Variants in ITPR2 observed in about 807,000 individuals in gnomAD.
The protein encoded by ITPR2 is inositol 1,4,5-trisphosphate receptor type 2.
In ITPR2, 207 loss-of-function variants were observed where a neutral mutation model predicts 317.1. That is an observed-to-expected ratio of 0.65 (90% confidence interval 0.58 to 0.73). ITPR2 has a LOEUF of 0.73. Among genes scored for constraint, ITPR2 ranks in the 30% least tolerant of loss-of-function variants. The probability of loss-of-function intolerance (pLI) is 0.00; values close to 1 mark genes in which losing one functional copy is unlikely to be tolerated. For missense variants in ITPR2, 2,613 were observed against 3,284.0 expected (o/e 0.80, Z 4.99); for synonymous variants, 1,156 against 1,149.1 (o/e 1.01, Z -0.12).
At chr12:26,557,503 G>A (rs913098708) in intron 35 of ITPR2, among the ~76,000 whole-genome samples, 4 of 152,180 alleles carry the variant, frequency 2.6e-5, no homozygotes, top group African/African-American at 9.7e-5. Flanking sequence ...GTGTGGGGAG[G>A]TTCTTTCAAA....
chr12:26,794,091 CTG>C (rs1043560495), intron 1 of ITPR2, among the ~76,000 whole-genome samples: 3 of 152,174 alleles, frequency 2.0e-5, no homozygotes, highest in African/African-American at 7.2e-5. Flanking sequence ...AAGGTCATAA[CTG>C]TAAATTATTT....
intron 2 of ITPR2, among the ~76,000 whole-genome samples, chr12:26,784,781 G>A (rs1950183387): frequency 6.9e-6 from 1 of 145,980 alleles, no homozygotes; most frequent in African/African-American, 2.5e-5. Flanking sequence ...GGGAAGTGGG[G>A]AGCGTCTCTG....
chr12:26,374,586 A>C (rs1188996681), intron 55 of ITPR2, among the ~76,000 whole-genome samples: 1 of 152,242 alleles, frequency 6.6e-6, no homozygotes, highest in Non-Finnish European at 1.5e-5. Context: ...AAATATTTTA[A>C]GTAGATGTGG....
chr12:26,443,657 T>C lies in ITPR2; in HGVS notation c.6343-7A>G. 6.2e-7 allele frequency: 1 copy of C among 1,610,482 alleles called. No individual in the cohort carries two copies. Among genetic ancestry groups the C allele is most frequent in the South Asian group, 1.1e-5 (1 of 90,912 alleles). On this transcript the variant is annotated splice_region_variant and splice_polypyrimidine_tract_variant and intron_variant, in intron 45 of 56. Coordinates refer to ENST00000381340, the MANE Select transcript of ITPR2 (RefSeq NM_002223.4). ...GTTTATTGTGGCGGGCCAACTAGAG[T>C]AGGGAAAAAATAAAGGTTTTAGGTC...
chr12:26,633,922 T>C (rs4598749), intron 21 of ITPR2, among the ~76,000 whole-genome samples: 126,295 of 152,258 alleles, frequency 0.83, 52,634 homozygotes, highest in East Asian at 0.97. Flanking sequence ...GCATGGAAAA[T>C]AATCCTTTAA....
intron 20 of ITPR2, among the ~76,000 whole-genome samples, chr12:26,655,405 G>A (rs1206801253): frequency 6.6e-6 from 1 of 152,072 alleles, no homozygotes; most frequent in Non-Finnish European, 1.5e-5. Context: ...ACGAGGTCAG[G>A]ACATCGAGAC....
chr12:26,438,714 C>T (rs1393414), intron 47 of ITPR2, among the ~76,000 whole-genome samples: 145,559 of 152,250 alleles, frequency 0.96, 69,571 homozygotes, highest in East Asian at 1. Flanking sequence ...CAGCAAAACA[C>T]GAAACAATCC....
At chr12:26,725,293 T>C (rs554813647) in intron 3 of ITPR2, among the ~76,000 whole-genome samples, 100 of 152,304 alleles carry the variant, frequency 6.6e-4, no homozygotes, top group African/African-American at 2.3e-3. Flanking sequence ...CAATGGTCTT[T>C]CAATTATTTT....
At chr12:26,638,317 G>A (rs1055897122) in intron 21 of ITPR2, among the ~76,000 whole-genome samples, 1 of 152,214 alleles carries the variant, frequency 6.6e-6, no homozygotes, top group African/African-American at 2.4e-5. Context: ...TAAGTGAAAT[G>A]TAATTTACTT....
At chr12:26,610,345 G>A (rs1946234456) in intron 26 of ITPR2, among the ~76,000 whole-genome samples, 1 of 152,240 alleles carries the variant, frequency 6.6e-6, no homozygotes, top group South Asian at 2.1e-4. Context: ...CCTTCTACAG[G>A]GATTTGCAAC....
intron 26 of ITPR2, among the ~76,000 whole-genome samples, chr12:26,615,961 A>G (rs986730563): frequency 2.0e-4 from 30 of 152,220 alleles, no homozygotes; most frequent in Non-Finnish European, 3.7e-4. Context: ...TCAAGCCACA[A>G]TGGACAATTA....
In ITPR2 at chr12:26,516,262, GA is replaced by G. The variant is rs1480102813; in HGVS notation, c.5074-21003del. Among the ~76,000 whole-genome samples the G allele has an allele frequency of 1.7e-3, 81 of 48,554 alleles. 3 individuals are homozygous for G. The highest frequency in any genetic ancestry group is 2.1e-3 in the Non-Finnish European group (41 of 19,818). 31.9% of individuals were successfully genotyped at this position (48,554 alleles called of 152,430 possible). The stretch of plus-strand genomic sequence containing the variant: ...GAAAGGAAAGGAAAGGAAAGGAAAG[GA>G]AAGGAAAGGAAGGGAAGGGAAGGGA... On this transcript the variant is annotated intron_variant, in intron 37 of 56. Transcript: ENST00000381340.
intron 37 of ITPR2, among the ~76,000 whole-genome samples, chr12:26,515,619 A>C (rs559816189): frequency 3.0e-4 from 45 of 152,260 alleles, no homozygotes; most frequent in African/African-American, 1.1e-3. Context: ...TGCCCATATC[A>C]GCAGCCATCA....
At chr12:26,425,445 G>T (rs1941028659) in intron 49 of ITPR2, among the ~76,000 whole-genome samples, 1 of 151,094 alleles carries the variant, frequency 6.6e-6, no homozygotes, top group South Asian at 2.1e-4. Context: ...AAGGCGGGTG[G>T]ATCATGAGGT....
intron 1 of ITPR2, among the ~76,000 whole-genome samples, chr12:26,816,823 G>A: frequency 6.6e-6 from 1 of 152,078 alleles, no homozygotes; most frequent in South Asian, 2.1e-4. Flanking sequence ...CAGGTGAGAG[G>A]TGTGCAGGTA....
At chr12:26,388,820 T>C (rs1401669104) in intron 54 of ITPR2, among the ~76,000 whole-genome samples, 19 of 152,218 alleles carry the variant, frequency 1.2e-4, no homozygotes. Context: ...CTAGGCCTCA[T>C]CTTATTTGAC....
chr12:26,776,414 G>C (rs1949971580), intron 2 of ITPR2, among the ~76,000 whole-genome samples: 2 of 152,186 alleles, frequency 1.3e-5, no homozygotes, highest in African/African-American at 4.8e-5. Flanking sequence ...ACTGCCCTGA[G>C]TGAGAGTCTT....
rs1937912360 is a variant in ITPR2, at chr12:26,336,271, G to T, written c.*3126C>A. 6.6e-6 allele frequency among the ~76,000 whole-genome samples: 1 copy of T among 152,084 alleles called. No homozygotes were observed. Among genetic ancestry groups the T allele is most frequent in the Non-Finnish European group, 1.5e-5 (1 of 68,028 alleles). ...GACTGGGGGCTAGTGGCTGAGTGTG[G>T]GCTATACTGCCTTGCTGTTTGCAAT... is the stretch of plus-strand genomic sequence containing the variant. On this transcript the variant is annotated 3_prime_UTR_variant, in exon 57 of 57. Coordinates refer to ENST00000381340, the MANE Select transcript of ITPR2 (RefSeq NM_002223.4).
At chr12:26,372,492 G>A (rs1939216386) in intron 55 of ITPR2, among the ~76,000 whole-genome samples, 1 of 152,192 alleles carries the variant, frequency 6.6e-6, no homozygotes, top group Admixed American at 6.5e-5. Flanking sequence ...CTGAGGTACA[G>A]GGAGGTTAAA....
Sources: gnomAD v4.1 joint callset for allele counts (sites outside exome capture counted in the v4.1 genomes callset) on GRCh38, gnomAD v4.1.1 for gene constraint, MANE v1.5 for transcripts, NCBI Gene and HGNC (gene_info 2026-07-23, HGNC 2026-07-21) for gene names.